The following MTNR1B variants were observed in gnomAD, a reference collection of about 807,000 sequenced individuals.
The protein encoded by MTNR1B is melatonin receptor 1B, also known as melatonin receptor type 1B.
MTNR1B carries 7 observed loss-of-function variants against 7.0 expected under a neutral mutation model. That is an observed-to-expected ratio of 1.00 (90% CI 0.57 to 1.88). The LOEUF is 1.88. Among genes scored for constraint, MTNR1B ranks in the 40% most tolerant of loss-of-function variants. MTNR1B has a pLI of 0.00. For synonymous variants in MTNR1B, 226 were observed against 208.2 expected (o/e 1.09, Z -0.74); for missense variants, 478 against 486.5 (o/e 0.98, Z 0.16).
At chr11:92,977,555 G>C (rs1858029317) in intron 1 of MTNR1B, among the ~76,000 whole-genome samples, 1 of 152,194 alleles carries the variant, frequency 6.6e-6, no homozygotes, top group Non-Finnish European at 1.5e-5. Flanking sequence ...TGGTAATTTT[G>C]TGTAGCTCCT....
downstream of MTNR1B, among the ~76,000 whole-genome samples, chr11:92,982,936 A>ACCCCCCCCCCCCCCC (rs71473980): frequency 2.0e-5 from 1 of 49,168 alleles, no homozygotes; most frequent in Non-Finnish European, 4.0e-5. Flanking sequence ...AACACACTGC[A>ACCCCCCCCCCCCCCC]CCCCCCCCCC....
Position 92,969,722 on chromosome 11 carries a change from T to A in MTNR1B, c.-4T>A. 6.8e-7 allele frequency: 1 copy of A among 1,475,936 alleles called. No individual in the cohort carries two copies. Among genetic ancestry groups the A allele is most frequent in the Non-Finnish European group, 9.0e-7 (1 of 1,114,066 alleles). The allele number at this position is 1,475,936 out of a possible 1,614,324, so 91.4% of individuals were successfully genotyped here. On this transcript the variant is annotated 5_prime_UTR_variant, in exon 1 of 2. Coordinates refer to ENST00000257068, the MANE Select transcript of MTNR1B (RefSeq NM_005959.5). ...GGCCAAAGCACAGCGCGGGAGAGTC[T>A]GCGATGTCAGAGAACGGCTCCTTCG...
chr11:92,978,139 TGAGCACAGAGGAG>T (rs1858040320), intron 1 of MTNR1B, among the ~76,000 whole-genome samples: 1 of 152,134 alleles, frequency 6.6e-6, no homozygotes, highest in East Asian at 1.9e-4. Context: ...GCATGGAGGG[TGAGCACAGAGGAG>T]GGGGGCAAGG....
downstream of MTNR1B, among the ~76,000 whole-genome samples, chr11:92,983,337 C>G (rs1226488797): frequency 6.6e-6 from 1 of 152,122 alleles, no homozygotes; most frequent in Admixed American, 6.5e-5. Context: ...GCCTAAGCAA[C>G]ATGGCAAAAC....
chr11:92,984,701 A>T (rs1311320683), downstream of MTNR1B: 1 of 349,886 alleles, frequency 2.9e-6, no homozygotes, highest in Non-Finnish European at 5.6e-6. Flanking sequence ...CTCAGTAAAT[A>T]TGGATTGAAG....
intron 1 of MTNR1B, among the ~76,000 whole-genome samples, chr11:92,980,209 C>T (rs570373105): frequency 8.5e-5 from 13 of 152,238 alleles, no homozygotes; most frequent in South Asian, 4.2e-4. Context: ...CTCTGCATTC[C>T]GCCACCCTAA....
At chr11:92,970,712 T>G in intron 1 of MTNR1B, among the ~76,000 whole-genome samples, 1 of 152,184 alleles carries the variant, frequency 6.6e-6, no homozygotes, top group African/African-American at 2.4e-5. Flanking sequence ...GGGGGCAGTA[T>G]CTGAACTCTA....
chr11:92,969,651 C>A lies in MTNR1B; in HGVS notation c.-75C>A, dbSNP rs1011348265. On this transcript the variant is annotated 5_prime_UTR_variant, in exon 1 of 2. Coordinates refer to ENST00000257068, the MANE Select transcript of MTNR1B (RefSeq NM_005959.5). ...CGAGCTGGGCAGGGAAGAGAGCGCC[C>A]GGCTCAGTACTGCGCGCGCCCTGCG... 7.6e-7 allele frequency: 1 copy of A among 1,310,402 alleles called. No individual in the cohort carries two copies. Among genetic ancestry groups the A allele is most frequent in the South Asian group, 2.1e-5 (1 of 47,200 alleles). 81.2% of individuals were successfully genotyped at this position (1,310,402 alleles called of 1,614,324 possible).
At chr11:92,976,193 A>G (rs1368677555) in intron 1 of MTNR1B, among the ~76,000 whole-genome samples, 2 of 152,192 alleles carry the variant, frequency 1.3e-5, no homozygotes, top group Non-Finnish European at 2.9e-5. Flanking sequence ...ATGATATACC[A>G]CAAAATTCAG....
At chr11:92,971,222 A>G (rs1212372624) in intron 1 of MTNR1B, among the ~76,000 whole-genome samples, 1 of 152,104 alleles carries the variant, frequency 6.6e-6, no homozygotes, top group Non-Finnish European at 1.5e-5. Context: ...CGGCCTCCCA[A>G]AGTGCTGGAA....
rs1411785605 is a variant in MTNR1B at position 92,982,225 on chromosome 11, A to C, written c.1002A>C (p.Gln334His). Reference protein sequence around the residue: ...LALWNPRHCIQDASKGSHAEG... With the variant: ...LALWNPRHCIHDASKGSHAEG... ...TTTGGAACCCACGGCACTGCATTCA[A>C]GATGCTTCCAAGGGCAGCCACGCGG... Residue 334 changes from glutamine (Q) to histidine (H), a missense_variant, in exon 2 of 2, where the codon CAA becomes CAC. Transcript: ENST00000257068. 1 of 1,614,216 alleles carries C rather than the reference A, an allele frequency of 6.2e-7. No homozygotes were observed. Among genetic ancestry groups the C allele is most frequent in the Non-Finnish European group, 8.5e-7 (1 of 1,180,030 alleles).
chr11:92,976,608 T>A (rs968629666), intron 1 of MTNR1B, among the ~76,000 whole-genome samples: 13 of 152,182 alleles, frequency 8.5e-5, no homozygotes, highest in Non-Finnish European at 4.4e-5. Context: ...AAGGCAACAC[T>A]GATAGAGCAA....
At chr11:92,970,052 G>A (rs370555007) in intron 1 of MTNR1B, 104 bp downstream of exon 1, 16 of 1,339,544 alleles carry the variant, frequency 1.2e-5, no homozygotes, top group African/African-American at 7.5e-5. Flanking sequence ...TCCTCAGCCC[G>A]GGCTCCCCTT....
chr11:92,981,212 A>G (rs1858096930), intron 1 of MTNR1B, among the ~76,000 whole-genome samples: 1 of 152,200 alleles, frequency 6.6e-6, no homozygotes, highest in Non-Finnish European at 1.5e-5. Context: ...TGAGGTAGGT[A>G]TCACTGCCCC....
chr11:92,982,092 T>G lies in MTNR1B; in HGVS notation c.869T>G (p.Phe290Cys). 1 of 1,614,226 alleles carries G rather than the reference T, an allele frequency of 6.2e-7. No individual in the cohort carries two copies. Among genetic ancestry groups the G allele is most frequent in the Non-Finnish European group, 8.5e-7 (1 of 1,180,048 alleles). The change falls in exon 2 of 2, where the codon TTT (phenylalanine) becomes TGT (cysteine). Residue 290 changes from phenylalanine (F) to cysteine (C), a missense_variant. By Grantham distance (205) the Phe-to-Cys change is radical. Coordinates refer to ENST00000257068, the MANE Select transcript of MTNR1B (RefSeq NM_005959.5). ...EMAPQIPEGL[F>C]VTSYLLAYFN... ...GCTCCCCAGATCCCTGAGGGGCTAT[T>G]TGTCACTAGCTACTTACTGGCTTAT...
chr11:92,974,811 C>G (rs1253714658), intron 1 of MTNR1B, among the ~76,000 whole-genome samples: 1 of 152,156 alleles, frequency 6.6e-6, no homozygotes, highest in Non-Finnish European at 1.5e-5. Context: ...ACCGTGTTAG[C>G]CAGGATGGTC....
chr11:92,975,701 G>A (rs1858000515), intron 1 of MTNR1B, among the ~76,000 whole-genome samples: 1 of 152,194 alleles, frequency 6.6e-6, no homozygotes, highest in African/African-American at 2.4e-5. Context: ...AGCAAATGAT[G>A]CTTAATAAGC....
In MTNR1B at chr11:92,969,916, C is replaced by G. The variant is rs764977127; in HGVS notation, c.191C>G (p.Ser64Cys). 6.2e-7 allele frequency: 1 copy of G among 1,612,050 alleles called. No homozygotes were observed. The highest frequency in any genetic ancestry group is 1.7e-5 in the Admixed American group (1 of 59,880). ...GTGGGCAACCTCCTGGTGATCCTCT[C>G]CGTGCTCAGGAACCGCAAGCTCCGG... Reference protein sequence around the residue: ...DVVGNLLVILSVLRNRKLRNA... With the variant: ...DVVGNLLVILCVLRNRKLRNA... The change falls in exon 1 of 2, where the codon TCC (serine) becomes TGC (cysteine). Residue 64 changes from serine to cysteine, a missense_variant. Physicochemically the swap from Ser to Cys is moderately radical, Grantham distance 112. Transcript: ENST00000257068.
chr11:92,971,620 A>C (rs961227958), intron 1 of MTNR1B, among the ~76,000 whole-genome samples: 1 of 152,202 alleles, frequency 6.6e-6, no homozygotes, highest in Admixed American at 6.5e-5. Flanking sequence ...TCTGTCCCTG[A>C]CTTATTGAGT....
Sources: allele counts gnomAD v4.1 joint callset (sites outside exome capture counted in the v4.1 genomes callset), GRCh38; gene constraint gnomAD v4.1.1; transcripts MANE v1.5; gene names NCBI Gene and HGNC (gene_info 2026-07-23, HGNC 2026-07-21).